Variants in MAP1B observed in about 807,000 individuals in gnomAD.
MAP1B encodes microtubule-associated protein 1B.
MAP1B carries 12 observed loss-of-function variants against 176.1 expected under a neutral mutation model. That is an observed-to-expected ratio of 0.07 (90% confidence interval 0.04 to 0.11). The LOEUF (loss-of-function observed/expected upper bound fraction) is 0.11. Ranked by LOEUF, MAP1B falls within the 10% of genes least tolerant of loss-of-function variation. The pLI, the probability that MAP1B is intolerant of heterozygous loss-of-function variation, is 1.00. For synonymous variants in MAP1B, 1,044 were observed against 1,135.0 expected (o/e 0.92, Z 1.61); for missense variants, 2,523 against 2,990.5 (o/e 0.84, Z 3.65).
chr5:72,150,153 A>G (rs1000198663), intron 2 of MAP1B, among the ~76,000 whole-genome samples: 1 of 152,254 alleles, frequency 6.6e-6, no homozygotes, highest in Non-Finnish European at 1.5e-5. Context: ...TTGGTGTGCA[A>G]TATAAACAGA....
At chr5:72,170,878 C>G (rs2112193627) in intron 2 of MAP1B, among the ~76,000 whole-genome samples, 1 of 150,962 alleles carries the variant, frequency 6.6e-6, no homozygotes, top group African/African-American at 2.4e-5. Flanking sequence ...ACCCAGGAGG[C>G]AGAGGTTGCA....
At chr5:72,170,098 C>A (rs886750595) in intron 2 of MAP1B, among the ~76,000 whole-genome samples, 16 of 152,176 alleles carry the variant, frequency 1.1e-4, no homozygotes, top group African/African-American at 3.9e-4. Context: ...AATTTAGATT[C>A]CTGTTAGTGG....
intron 2 of MAP1B, among the ~76,000 whole-genome samples, chr5:72,183,051 A>G (rs1332704276): frequency 6.6e-6 from 1 of 152,152 alleles, no homozygotes; most frequent in Non-Finnish European, 1.5e-5. Context: ...GCAGGGTTTC[A>G]GCCCTCCTTA....
chr5:72,175,993 A>C (rs1746646266), intron 2 of MAP1B, among the ~76,000 whole-genome samples: 1 of 152,224 alleles, frequency 6.6e-6, no homozygotes, highest in Non-Finnish European at 1.5e-5. Context: ...AGTGTTCAAA[A>C]TTTGGAGAGC....
intron 2 of MAP1B, 176 bp downstream of exon 2, chr5:72,115,975 A>T (rs979652302): frequency 1.1e-5 from 6 of 538,798 alleles, no homozygotes; most frequent in Admixed American, 6.2e-5. Context: ...CTAGGTTATC[A>T]CTGTGTGGGT....
intron 2 of MAP1B, among the ~76,000 whole-genome samples, chr5:72,153,962 C>T (rs1344655203): frequency 2.0e-5 from 3 of 152,094 alleles, no homozygotes; most frequent in Non-Finnish European, 4.4e-5. Flanking sequence ...TAATTTCGGA[C>T]TAAAATCTGC....
intron 1 of MAP1B, among the ~76,000 whole-genome samples, chr5:72,112,592 G>A (rs994612527): frequency 6.6e-6 from 1 of 152,160 alleles, no homozygotes; most frequent in African/African-American, 2.4e-5. Flanking sequence ...ACCACCTGGG[G>A]TCAGAGAACT....
chr5:72,146,885 C>T (rs1746054311), intron 2 of MAP1B, among the ~76,000 whole-genome samples: 1 of 152,092 alleles, frequency 6.6e-6, no homozygotes, highest in Non-Finnish European at 1.5e-5. Context: ...TTTTCAAAAG[C>T]AGCACCTCCT....
At chr5:72,171,608 A>T (rs1250012653) in intron 2 of MAP1B, among the ~76,000 whole-genome samples, 4 of 152,064 alleles carry the variant, frequency 2.6e-5, no homozygotes, top group Admixed American at 2.0e-4. Context: ...TTTTTTTTTT[A>T]AAGTGGAAGA....
At chr5:72,203,465 T>C (rs1747375007) in intron 5 of MAP1B, 98 bp from the exon 6 acceptor site, 13 of 852,230 alleles carry the variant, frequency 1.5e-5, no homozygotes, top group East Asian at 4.9e-5. Flanking sequence ...CTACTTGTGA[T>C]TGAATAGGGA....
At chr5:72,125,316 G>T (rs1179064951) in intron 2 of MAP1B, among the ~76,000 whole-genome samples, 1 of 152,188 alleles carries the variant, frequency 6.6e-6, no homozygotes, top group African/African-American at 2.4e-5. Flanking sequence ...GTGCATATGT[G>T]TTTGTGTGTG....
chr5:72,180,028 C>A, intron 2 of MAP1B: 2 of 640,216 alleles, frequency 3.1e-6, no homozygotes, highest in Non-Finnish European at 3.9e-6. Context: ...AGCAGGCGAG[C>A]TCACTGTGTG....
intron 2 of MAP1B, among the ~76,000 whole-genome samples, chr5:72,116,718 T>C (rs1450713720): frequency 6.6e-6 from 1 of 152,204 alleles, no homozygotes; most frequent in East Asian, 1.9e-4. Context: ...CTGTATTACA[T>C]CTTATTTCTT....
At chr5:72,172,842 G>A (rs887523544) in intron 2 of MAP1B, among the ~76,000 whole-genome samples, 2 of 152,194 alleles carry the variant, frequency 1.3e-5, no homozygotes, top group Admixed American at 6.5e-5. Context: ...CAAGCCTAGC[G>A]CCAAGCATGA....
At chr5:72,120,095 C>G (rs75670034) in intron 2 of MAP1B, among the ~76,000 whole-genome samples, 11,036 of 152,192 alleles carry the variant, frequency 0.073, 845 homozygotes, top group East Asian at 0.21. Context: ...AATTATCTGT[C>G]GTAGACAGAC....
intron 2 of MAP1B, among the ~76,000 whole-genome samples, chr5:72,171,189 C>T (rs767413613): frequency 6.6e-6 from 1 of 152,104 alleles, no homozygotes; most frequent in Admixed American, 6.5e-5. Context: ...GGTGGCTTTT[C>T]GGGGGACATT....
At chr5:72,130,182 T>TG (rs931430751) in intron 2 of MAP1B, among the ~76,000 whole-genome samples, 9 of 30,856 alleles carry the variant, frequency 2.9e-4, no homozygotes, top group South Asian at 2.0e-3. Context: ...AGAAGAAAAG[T>TG]GGAAAAAAAA....
Position 72,198,806 on chromosome 5 carries a change from C to T in MAP1B, c.5451C>T (p.Ser1817=). The T allele has an allele frequency of 6.2e-7, 1 of 1,614,216 alleles. No individual in the cohort carries two copies. The highest frequency in any genetic ancestry group is 8.5e-7 in the Non-Finnish European group (1 of 1,180,044). The change falls in exon 5 of 7, where the codon TCC becomes TCT. Residue 1817 remains serine, a synonymous_variant. Coordinates refer to ENST00000296755, the MANE Select transcript of MAP1B (RefSeq NM_005909.5). The stretch of plus-strand genomic sequence containing the variant: ...AGAAAACAGCAACTTGCCACAGTTC[C>T]TCTTCTCCACCAATAGATGCAGCAT... The part of the protein sequence containing the change: ...VKEKTATCHS[S]SSPPIDAASA...
chr5:72,115,676 C>G (rs1369150780), intron 1 of MAP1B, 22 bp from the exon 2 acceptor site: 7 of 1,354,438 alleles, frequency 5.2e-6, no homozygotes, highest in Non-Finnish European at 7.4e-6. Context: ...AGTCTCTCAA[C>G]TGTCTTTCTT....
Sources: allele counts gnomAD v4.1 joint callset (sites outside exome capture counted in the v4.1 genomes callset), GRCh38; gene constraint gnomAD v4.1.1; transcripts MANE v1.5; gene names NCBI Gene and HGNC (gene_info 2026-07-23, HGNC 2026-07-21).